The following PRRX1 variants were observed in gnomAD, a reference collection of about 807,000 sequenced individuals.
PRRX1 encodes the protein paired related homeobox 1, also known as paired mesoderm homeobox protein 1.
A neutral mutation model predicts 24.0 loss-of-function variants in PRRX1; 8 were observed. The ratio of observed to expected loss-of-function variants is 0.33; its 90% CI spans 0.20 to 0.60. PRRX1 has a LOEUF of 0.60. Ranked by LOEUF, PRRX1 falls within the 20% of genes least tolerant of loss-of-function variation. PRRX1 has a pLI of 0.82. For synonymous variants in PRRX1, 160 were observed against 131.7 expected (o/e 1.22, Z -1.47); for missense variants, 281 against 322.4 (o/e 0.87, Z 0.98).
chr1:170,662,847 G>T (rs1652770275), upstream of PRRX1: 1 of 151,982 alleles, frequency 6.6e-6, no homozygotes, highest in South Asian at 2.1e-4. Flanking sequence ...ACATGCAAAT[G>T]AGATTTTCCA....
intron 1 of PRRX1, among the ~76,000 whole-genome samples, chr1:170,673,950 G>T (rs578213783): frequency 6.6e-6 from 1 of 152,308 alleles, no homozygotes; most frequent in African/African-American, 2.4e-5. Flanking sequence ...TGTCCTTAAT[G>T]TGTTGGTTAC....
At chr1:170,683,033 A>G (rs149187749) in intron 1 of PRRX1, among the ~76,000 whole-genome samples, 423 of 152,348 alleles carry the variant, frequency 2.8e-3, no homozygotes, top group Non-Finnish European at 5.1e-3. Context: ...TGACAAAGTC[A>G]GAGAGATATG....
intron 3 of PRRX1, among the ~76,000 whole-genome samples, chr1:170,735,282 T>G (rs1655568167): frequency 6.6e-6 from 1 of 152,180 alleles, no homozygotes; most frequent in South Asian, 2.1e-4. Flanking sequence ...TTCTCAGCAA[T>G]GAAGACAGTG....
Position 170,736,318 on chromosome 1 carries a change from T to C in PRRX1, c.*132T>C, listed in dbSNP as rs1655602556. On this transcript the variant is annotated 3_prime_UTR_variant, in exon 4 of 4. Coordinates refer to ENST00000239461, the MANE Select transcript of PRRX1 (RefSeq NM_022716.4). ...AAACAAACAAAGCAGAACTAAAATATTGGGACCATGGCAGAGAAAAGCAGG... is the reference window on the plus strand; with the variant it reads ...AAACAAACAAAGCAGAACTAAAATACTGGGACCATGGCAGAGAAAAGCAGG... The C allele has an allele frequency of 2.3e-6, 3 of 1,287,686 alleles. No individual in the cohort carries two copies. Among genetic ancestry groups the C allele is most frequent in the Admixed American group, 2.1e-5 (1 of 46,968 alleles). 79.8% of individuals were successfully genotyped at this position (1,287,686 alleles called of 1,614,324 possible). A position where few individuals can be genotyped will look rare whatever the true frequency, so the allele number is the denominator to read the frequency against.
intron 3 of PRRX1, among the ~76,000 whole-genome samples, chr1:170,729,773 T>G (rs1655370279): frequency 6.6e-6 from 1 of 152,188 alleles, no homozygotes; most frequent in East Asian, 1.9e-4. Flanking sequence ...CGGACACTGT[T>G]GTCCTGGCAG....
chr1:170,672,857 G>C (rs1653185226), intron 1 of PRRX1, among the ~76,000 whole-genome samples: 1 of 152,130 alleles, frequency 6.6e-6, no homozygotes. Flanking sequence ...GGTGGTGAGA[G>C]TCAGTGCCCC....
chr1:170,699,046 C>T (rs1411065563), intron 1 of PRRX1, among the ~76,000 whole-genome samples: 1 of 152,146 alleles, frequency 6.6e-6, no homozygotes, highest in Non-Finnish European at 1.5e-5. Context: ...ATAAATAGGG[C>T]TTTTAAAGGT....
chr1:170,686,955 G>A (rs1653764545), intron 1 of PRRX1, among the ~76,000 whole-genome samples: 1 of 152,012 alleles, frequency 6.6e-6, no homozygotes, highest in South Asian at 2.1e-4. Flanking sequence ...TTGACTGGAC[G>A]CTTCTCCAGT....
intron 1 of PRRX1, among the ~76,000 whole-genome samples, chr1:170,709,437 A>G (rs998072734): frequency 1.3e-5 from 2 of 152,214 alleles, no homozygotes; most frequent in Admixed American, 1.3e-4. Context: ...GAAATAATAG[A>G]TCAGCTGAGA....
intron 1 of PRRX1, among the ~76,000 whole-genome samples, chr1:170,685,856 C>T (rs1453599884): frequency 6.6e-6 from 1 of 151,554 alleles, no homozygotes; most frequent in African/African-American, 2.4e-5. Flanking sequence ...GTGCACAAGG[C>T]AGCATGTGAA....
At chr1:170,688,435 T>G (rs1653818344) in intron 1 of PRRX1, among the ~76,000 whole-genome samples, 1 of 152,236 alleles carries the variant, frequency 6.6e-6, no homozygotes, top group South Asian at 2.1e-4. Flanking sequence ...AAAGATAGCT[T>G]TGTCCGGTAT....
At chr1:170,691,339 A>G (rs1187368476) in intron 1 of PRRX1, among the ~76,000 whole-genome samples, 1 of 152,116 alleles carries the variant, frequency 6.6e-6, no homozygotes, top group South Asian at 2.1e-4. Flanking sequence ...GATCAAACTT[A>G]CATAAATAAT....
intron 1 of PRRX1, among the ~76,000 whole-genome samples, chr1:170,696,892 T>C (rs1654188570): frequency 1.3e-5 from 2 of 152,152 alleles, no homozygotes; most frequent in African/African-American, 4.8e-5. Context: ...TGAAAGGAGA[T>C]TATTTTTGGA....
chr1:170,714,734 G>A (rs1654853581), intron 1 of PRRX1, among the ~76,000 whole-genome samples: 1 of 152,160 alleles, frequency 6.6e-6, no homozygotes. Context: ...AGGTCCCCAT[G>A]CTTGAGGATG....
At chr1:170,729,769 CTG>C (rs928270128) in intron 3 of PRRX1, among the ~76,000 whole-genome samples, 1 of 152,220 alleles carries the variant, frequency 6.6e-6, no homozygotes, top group African/African-American at 2.4e-5. Flanking sequence ...ATCACGGACA[CTG>C]TTGTCCTGGC....
Position 170,736,180 on chromosome 1 carries a change from CA to C in PRRX1, c.734del (p.Asn245ThrfsTer6). ...TACAGAGGAACCAGGTGCCAACAGTCAACTGAGGAAAAAAAATAATTAAACA... is the reference window on the plus strand; with the variant it reads ...TACAGAGGAACCAGGTGCCAACAGTCACTGAGGAAAAAAAATAATTAAACA... Reference protein sequence around the residue: ...SLQRNQVPTVN With the variant: ...SLQRNQVPTVX On this transcript the variant is annotated frameshift_variant, in exon 4 of 4. Coordinates refer to ENST00000239461, the MANE Select transcript of PRRX1 (RefSeq NM_022716.4). LOFTEE classifies it high-confidence loss of function. 1 of 1,613,958 alleles carries C rather than the reference CA, an allele frequency of 6.2e-7. No individual in the cohort carries two copies. Among genetic ancestry groups the C allele is most frequent in the Non-Finnish European group, 8.5e-7 (1 of 1,179,938 alleles).
intron 1 of PRRX1, among the ~76,000 whole-genome samples, chr1:170,717,078 A>C (rs1357034302): frequency 6.6e-6 from 1 of 152,208 alleles, no homozygotes; most frequent in African/African-American, 2.4e-5. Flanking sequence ...GACATTTGCC[A>C]GAGCCAGACT....
At chr1:170,702,669 T>C (rs1383519927) in intron 1 of PRRX1, among the ~76,000 whole-genome samples, 3 of 152,226 alleles carry the variant, frequency 2.0e-5, no homozygotes, top group African/African-American at 7.2e-5. Context: ...CATTCTTCTA[T>C]CACATGAGCA....
At chr1:170,674,459 G>A (rs1181425843) in intron 1 of PRRX1, among the ~76,000 whole-genome samples, 2 of 152,126 alleles carry the variant, frequency 1.3e-5, no homozygotes, top group African/African-American at 2.4e-5. Context: ...ACCTCCTTGC[G>A]AAACCTTCTC....
Sources: allele counts gnomAD v4.1 joint callset (sites outside exome capture counted in the v4.1 genomes callset), GRCh38; gene constraint gnomAD v4.1.1; transcripts MANE v1.5; gene names NCBI Gene and HGNC (gene_info 2026-07-23, HGNC 2026-07-21).